MAT1A: variants seen among roughly 807,000 people sequenced by gnomAD.
MAT1A encodes the protein methionine adenosyltransferase 1A.
In MAT1A, 19 loss-of-function variants were observed where a neutral mutation model predicts 44.0. The ratio of observed to expected loss-of-function variants is 0.43; its 90% CI spans 0.30 to 0.63. The LOEUF is 0.63. MAT1A is among the 30% of genes least tolerant of loss of function. MAT1A has a pLI of 0.12. For missense variants in MAT1A, 397 were observed against 531.0 expected, an observed-to-expected ratio of 0.75 and a Z score of 2.48; for synonymous variants, 205 against 205.6, an observed-to-expected ratio of 1.00 and a Z score of 0.03.
rs1279640545 is a variant in MAT1A at position 80,289,526 on chromosome 10, A to T, written c.-103T>A. 2.6e-6 allele frequency: 2 copies of T among 778,944 alleles called. No individual in the cohort carries two copies. Among genetic ancestry groups the T allele is most frequent in the African/African-American group, 3.7e-5 (2 of 53,726 alleles). 48.3% of individuals were successfully genotyped at this position (778,944 alleles called of 1,614,324 possible). ...CTTCTTCTTCTTCTTTCAACCCAACAGGCTTGTCTTTGGCAGAGCCACGGG... is the reference window on the plus strand; with the variant it reads ...CTTCTTCTTCTTCTTTCAACCCAACTGGCTTGTCTTTGGCAGAGCCACGGG... On this transcript the variant is annotated 5_prime_UTR_variant, in exon 1 of 9. Coordinates refer to ENST00000372213, the MANE Select transcript of MAT1A (RefSeq NM_000429.3).
chr10:80,287,089 T>C (rs1387904747), intron 1 of MAT1A, among the ~76,000 whole-genome samples: 1 of 152,202 alleles, frequency 6.6e-6, no homozygotes, highest in Non-Finnish European at 1.5e-5. Context: ...CTGGCCACCT[T>C]AGGCTTACCC....
intron 1 of MAT1A, among the ~76,000 whole-genome samples, chr10:80,286,179 C>G (rs1056646935): frequency 6.6e-6 from 1 of 152,126 alleles, no homozygotes; most frequent in Non-Finnish European, 1.5e-5. Flanking sequence ...AACAAACACA[C>G]ACGCATTCTT....
intron 1 of MAT1A, among the ~76,000 whole-genome samples, chr10:80,288,962 A>G (rs1252747669): frequency 1.3e-5 from 2 of 152,168 alleles, no homozygotes; most frequent in African/African-American, 2.4e-5. Context: ...CTGTTTCTCT[A>G]GAGATCCCTT....
At chr10:80,276,035 T>C (rs1841480555) in intron 6 of MAT1A, among the ~76,000 whole-genome samples, 1 of 152,188 alleles carries the variant, frequency 6.6e-6, no homozygotes, top group Non-Finnish European at 1.5e-5. Context: ...CACGTGCAAA[T>C]GCTGCAGTGG....
chr10:80,280,098 C>A, intron 5 of MAT1A, 75 bp downstream of exon 5: 1 of 1,528,484 alleles, frequency 6.5e-7, no homozygotes, highest in Admixed American at 1.7e-5. Flanking sequence ...AAAAATGACA[C>A]AATCAAGAAT....
intron 3 of MAT1A, among the ~76,000 whole-genome samples, chr10:80,283,549 T>C (rs1438650413): frequency 6.6e-6 from 1 of 152,246 alleles, no homozygotes; most frequent in South Asian, 2.1e-4. Context: ...AGTACATAAA[T>C]GATTAAGACA....
intron 1 of MAT1A, among the ~76,000 whole-genome samples, chr10:80,286,015 G>A (rs529514401): frequency 6.6e-6 from 1 of 151,964 alleles, no homozygotes; most frequent in South Asian, 2.1e-4. Context: ...TTTCAGTAGA[G>A]ATGGCGTTTC....
At chr10:80,279,219 C>T (rs1377356954) in intron 5 of MAT1A, among the ~76,000 whole-genome samples, 7 of 152,126 alleles carry the variant, frequency 4.6e-5, no homozygotes. Flanking sequence ...CTGATCCTGG[C>T]CTGGCTGGGA....
intron 5 of MAT1A, 108 bp downstream of exon 5, chr10:80,280,050 ACCATTCTTTGAATGC>A (rs1303574651): frequency 8.6e-7 from 1 of 1,159,842 alleles, no homozygotes; most frequent in African/African-American, 1.5e-5. Flanking sequence ...TTCAAAACTG[ACCATTCTTTGAATGC>A]CCAGATTGAA....
At chr10:80,288,174 A>G (rs867655928) in intron 1 of MAT1A, among the ~76,000 whole-genome samples, 56 of 152,332 alleles carry the variant, frequency 3.7e-4, no homozygotes, top group Middle Eastern at 6.8e-3. Context: ...GAAGATGGAA[A>G]AAGGCAGACT....
intron 4 of MAT1A, 78 bp downstream of exon 4, chr10:80,280,602 C>T (rs1841553750): frequency 7.9e-7 from 1 of 1,263,046 alleles, no homozygotes; most frequent in Non-Finnish European, 1.2e-6. Context: ...GAATCCACCC[C>T]TCAGTGTGAT....
intron 6 of MAT1A, among the ~76,000 whole-genome samples, chr10:80,276,140 G>A (rs1356429200): frequency 6.6e-6 from 1 of 152,240 alleles, no homozygotes; most frequent in Admixed American, 6.5e-5. Context: ...GTGGCGCTAA[G>A]TGGAGGAATC....
At chr10:80,278,128 T>C (rs928195693) in intron 5 of MAT1A, among the ~76,000 whole-genome samples, 5 of 152,160 alleles carry the variant, frequency 3.3e-5, no homozygotes, top group Admixed American at 1.3e-4. Flanking sequence ...CCACAGCAAG[T>C]CTGCACCCCC....
rs369601773 is a variant in MAT1A at position 80,275,052 on chromosome 10, C to A, written c.916G>T (p.Val306Leu). ...ACTCTCCGGCAGAGCCCTGCTTTCA[C>A]CAGAGACTTGGCCACCCAGCGGGCA... ...YAARWVAKSL[V>L]KAGLCRRVLV... The change falls in exon 7 of 9, where the codon GTG becomes TTG. Residue 306 changes from valine to leucine, a missense_variant. By Grantham distance (32) the Val-to-Leu change is conservative. Coordinates refer to ENST00000372213, the MANE Select transcript of MAT1A (RefSeq NM_000429.3). 12 of 1,564,098 alleles carry A rather than the reference C, an allele frequency of 7.7e-6. No homozygotes were observed. In the East Asian group the frequency reaches 2.6e-4, roughly 34 times the overall value.
chr10:80,278,240 C>A (rs547411517), intron 5 of MAT1A, among the ~76,000 whole-genome samples: 5 of 152,312 alleles, frequency 3.3e-5, no homozygotes, highest in South Asian at 4.1e-4. Context: ...AGGAAGGGAA[C>A]CCCTAAAAGA....
At chr10:80,274,697 G>A (rs746066395) in intron 7 of MAT1A, 44 bp from the exon 8 acceptor site, 10 of 1,612,984 alleles carry the variant, frequency 6.2e-6, no homozygotes, top group Non-Finnish European at 8.5e-6. Flanking sequence ...CTCTGTGTGG[G>A]CCCTGCCCCT....
At chr10:80,276,626 G>T in intron 5 of MAT1A, 32 bp from the exon 6 acceptor site, 1 of 1,596,964 alleles carries the variant, frequency 6.3e-7, no homozygotes, top group Non-Finnish European at 8.5e-7. Context: ...GAGATACTGT[G>T]AGGCTGAGGC....
At chr10:80,280,609 T>G in intron 4 of MAT1A, 71 bp downstream of exon 4, 1 of 1,311,690 alleles carries the variant, frequency 7.6e-7, no homozygotes, top group South Asian at 1.2e-5. Flanking sequence ...CCCCTCAGTG[T>G]GATTAACCCA....
intron 1 of MAT1A, among the ~76,000 whole-genome samples, chr10:80,286,017 T>G (rs988685959): frequency 2.0e-5 from 3 of 151,988 alleles, no homozygotes; most frequent in African/African-American, 4.8e-5. Flanking sequence ...TCAGTAGAGA[T>G]GGCGTTTCAC....
Sources: allele counts gnomAD v4.1 joint callset (sites outside exome capture counted in the v4.1 genomes callset), GRCh38; gene constraint gnomAD v4.1.1; transcripts MANE v1.5; gene names NCBI Gene and HGNC (gene_info 2026-07-23, HGNC 2026-07-21).